Variants in HMGA2 observed in about 807,000 individuals in gnomAD.
HMGA2 encodes high mobility group AT-hook 2.
A neutral mutation model predicts 19.1 loss-of-function variants in HMGA2; 8 were observed. The observed-to-expected ratio is 0.42, with a 90% CI of 0.25 to 0.76. The LOEUF is 0.76. Among genes scored for constraint, HMGA2 ranks in the 30% least tolerant of loss-of-function variants. The probability of loss-of-function intolerance (pLI) is 0.28; values close to 1 mark genes in which losing one functional copy is unlikely to be tolerated. For missense variants in HMGA2, 109 were observed against 136.3 expected (o/e 0.80, Z 1.00); for synonymous variants, 60 against 48.8 (o/e 1.23, Z -0.96).
At chr12:65,834,623 CCT>C (rs1870632578) in intron 2 of HMGA2, among the ~76,000 whole-genome samples, 1 of 150,450 alleles carries the variant, frequency 6.6e-6, no homozygotes, top group Admixed American at 6.6e-5. Context: ...TTCCTCCCTG[CCT>C]CTCTCTTTGC....
At position 65,824,548 on chromosome 12, in the gene HMGA2, T is replaced by A. The variant is rs981853013; in HGVS notation, c.-723T>A. 4.3e-6 allele frequency: 1 copy of A among 232,566 alleles called. No individual in the cohort carries two copies. Among genetic ancestry groups the A allele is most frequent in the African/African-American group, 2.2e-5 (1 of 44,954 alleles). 14.4% of individuals were successfully genotyped at this position (232,566 alleles called of 1,614,324 possible). A position where few individuals can be genotyped will look rare whatever the true frequency, so the allele number is the denominator to read the frequency against. ...CTCAGGAGCTAGCAGCCCGTCCCCC[T>A]CCGACTCTCCGGTGCCGCCGCTGCC... is the stretch of plus-strand genomic sequence containing the variant. On this transcript the variant is annotated 5_prime_UTR_variant, in exon 1 of 5. Transcript: ENST00000403681.
At chr12:65,864,729 G>T (rs1424439242) in intron 3 of HMGA2, among the ~76,000 whole-genome samples, 2 of 152,056 alleles carry the variant, frequency 1.3e-5, no homozygotes, top group Non-Finnish European at 2.9e-5. Flanking sequence ...TTTTCTTCTG[G>T]ATTGTATGTG....
chr12:65,857,478 C>T (rs940966999), intron 3 of HMGA2: 4 of 152,086 alleles, frequency 2.6e-5, no homozygotes, highest in South Asian at 2.1e-4. Flanking sequence ...AAAATGTTTG[C>T]TCTATAATAT....
rs1303206654 is a variant in HMGA2 at position 65,951,430 on chromosome 12, T to C, written c.282+15T>C. ...AGCCTGCTCAGGTAAGACATAGTCA[T>C]TAATTTTTTTCTCCCAATTAATATA... On this transcript the variant is annotated intron_variant, in intron 4 of 4. Coordinates refer to ENST00000403681, the MANE Select transcript of HMGA2 (RefSeq NM_003483.6). 1.3e-6 allele frequency: 2 copies of C among 1,500,874 alleles called. No homozygotes were observed. The highest frequency in any genetic ancestry group is 1.4e-5 in the African/African-American group (1 of 72,296). The allele number at this position is 1,500,874 out of a possible 1,614,324, so 93.0% of individuals were successfully genotyped here.
At chr12:65,855,458 TCACACA>T (rs3048829) in intron 3 of HMGA2, among the ~76,000 whole-genome samples, 267 of 140,228 alleles carry the variant, frequency 1.9e-3, no homozygotes, top group African/African-American at 6.2e-3. Context: ...TCTCTCTCTC[TCACACA>T]CACACACACA....
At chr12:65,829,585 T>C (rs1017505783) in intron 2 of HMGA2, among the ~76,000 whole-genome samples, 6 of 152,064 alleles carry the variant, frequency 3.9e-5, no homozygotes, top group Admixed American at 3.3e-4. Context: ...TAAGCTGTGG[T>C]ATAATTCCTC....
At chr12:65,839,434 T>A (rs1234923128) in intron 3 of HMGA2, among the ~76,000 whole-genome samples, 1 of 152,206 alleles carries the variant, frequency 6.6e-6, no homozygotes, top group Admixed American at 6.5e-5. Context: ...TGCTTTTTCC[T>A]CTTCCTCAAT....
intron 3 of HMGA2, among the ~76,000 whole-genome samples, chr12:65,925,666 G>T (rs1028056029): frequency 6.6e-6 from 1 of 152,176 alleles, no homozygotes; most frequent in African/African-American, 2.4e-5. Flanking sequence ...ATCAGAGTTG[G>T]AGTAAAAAAT....
At chr12:65,935,622 T>A (rs1465434518) in intron 3 of HMGA2, among the ~76,000 whole-genome samples, 1 of 152,118 alleles carries the variant, frequency 6.6e-6, no homozygotes, top group Admixed American at 6.5e-5. Flanking sequence ...ATACTAAAGG[T>A]AGTTTGTAAG....
intron 3 of HMGA2, among the ~76,000 whole-genome samples, chr12:65,908,584 C>G (rs189231412): frequency 6.6e-6 from 1 of 152,258 alleles, no homozygotes; most frequent in East Asian, 1.9e-4. Flanking sequence ...GTCCTCTCTT[C>G]GTTCATCCAC....
At chr12:65,923,835 C>A (rs113255849) in intron 3 of HMGA2, among the ~76,000 whole-genome samples, 1 of 152,164 alleles carries the variant, frequency 6.6e-6, no homozygotes, top group African/African-American at 2.4e-5. Flanking sequence ...CATGGAGAAA[C>A]CCCGTCTCTA....
chr12:65,929,549 T>C (rs1489693133), intron 3 of HMGA2, among the ~76,000 whole-genome samples: 4 of 151,728 alleles, frequency 2.6e-5, no homozygotes, highest in Non-Finnish European at 5.9e-5. Context: ...AGTGTTTAGA[T>C]TGCAGAAGAC....
chr12:65,894,871 G>A (rs1874059614), intron 3 of HMGA2, among the ~76,000 whole-genome samples: 1 of 152,170 alleles, frequency 6.6e-6, no homozygotes, highest in Non-Finnish European at 1.5e-5. Flanking sequence ...GGGAAGTCTG[G>A]GAGAAGTGTT....
At chr12:65,829,089 G>T (rs1870362575) in intron 2 of HMGA2, 2 of 152,120 alleles carry the variant, frequency 1.3e-5, no homozygotes, top group Admixed American at 6.5e-5. Context: ...TACAGTATTT[G>T]TTAGAAAGGA....
chr12:65,945,236 A>T (rs1213203891), intron 3 of HMGA2, among the ~76,000 whole-genome samples: 2 of 131,696 alleles, frequency 1.5e-5, no homozygotes, highest in African/African-American at 3.1e-5. Context: ...CTTATGCTTT[A>T]AAAAAAAAAA....
At chr12:65,933,210 C>T (rs151001917) in intron 3 of HMGA2, among the ~76,000 whole-genome samples, 1 of 152,144 alleles carries the variant, frequency 6.6e-6, no homozygotes, top group East Asian at 1.9e-4. Context: ...TGAAATGTTT[C>T]CTTCATTCAT....
intron 4 of HMGA2, 65 bp downstream of exon 4, chr12:65,951,480 T>C (rs1463071786): frequency 1.9e-6 from 2 of 1,029,262 alleles, no homozygotes; most frequent in South Asian, 1.4e-5. Context: ...TACTGAAAAA[T>C]GTCCCCAAAC....
chr12:65,881,709 T>C (rs893104240), intron 3 of HMGA2: 1 of 701,968 alleles, frequency 1.4e-6, no homozygotes, highest in Non-Finnish European at 2.6e-6. Context: ...GAAGGAGAGC[T>C]TCACTCACTG....
intron 3 of HMGA2, among the ~76,000 whole-genome samples, chr12:65,945,979 G>A (rs1876250040): frequency 6.6e-6 from 1 of 152,084 alleles, no homozygotes; most frequent in Non-Finnish European, 1.5e-5. Context: ...GGACTCTTTT[G>A]GAAGTTGAAA....
Sources: allele counts gnomAD v4.1 joint callset (sites outside exome capture counted in the v4.1 genomes callset), GRCh38; gene constraint gnomAD v4.1.1; transcripts MANE v1.5; gene names NCBI Gene and HGNC (gene_info 2026-07-23, HGNC 2026-07-21).